Variants in THEMIS observed in about 807,000 individuals in gnomAD.
THEMIS encodes protein THEMIS.
A neutral mutation model predicts 52.6 loss-of-function variants in THEMIS; 37 were observed. That is an observed-to-expected ratio of 0.70 (90% CI 0.54 to 0.93). THEMIS has a LOEUF of 0.93. Among genes scored for constraint, THEMIS ranks in the 40% least tolerant of loss-of-function variants. The probability of loss-of-function intolerance (pLI) is 0.00; values close to 1 mark genes in which losing one functional copy is unlikely to be tolerated. For missense variants in THEMIS, 808 were observed against 763.1 expected (o/e 1.06, Z -0.69); for synonymous variants, 292 against 272.7 (o/e 1.07, Z -0.70).
In THEMIS at chr6:127,755,999, C is replaced by A. The variant is rs570803185; in HGVS notation, c.1759-36176G>T. Among the ~76,000 whole-genome samples the A allele has an allele frequency of 2.6e-5, 4 of 152,012 alleles. 1 individual carries two copies. The highest frequency in any genetic ancestry group is 9.7e-5 in the African/African-American group (4 of 41,450). On this transcript the variant is annotated intron_variant, in intron 4 of 5. Coordinates refer to ENST00000368248, the MANE Select transcript of THEMIS (RefSeq NM_001010923.3). Reference sequence around the variant, plus strand: ...CTGAGATCACACCACCGCACTCCAGCCTGGGCCACAGAGTGAGACTCCATC... The same window carrying A: ...CTGAGATCACACCACCGCACTCCAGACTGGGCCACAGAGTGAGACTCCATC...
At chr6:127,721,916 G>A (rs1335078746) in intron 4 of THEMIS, among the ~76,000 whole-genome samples, 1 of 151,826 alleles carries the variant, frequency 6.6e-6, no homozygotes, top group Non-Finnish European at 1.5e-5. Context: ...AAACATTGAG[G>A]GAAAGTTAAG....
intron 4 of THEMIS, among the ~76,000 whole-genome samples, chr6:127,787,916 G>C (rs1002950827): frequency 6.6e-6 from 1 of 151,938 alleles, no homozygotes; most frequent in East Asian, 1.9e-4. Flanking sequence ...TAGATAGATA[G>C]ATAAATAGAT....
At chr6:127,802,384 G>A (rs1777565927) in intron 4 of THEMIS, among the ~76,000 whole-genome samples, 1 of 152,206 alleles carries the variant, frequency 6.6e-6, no homozygotes, top group Non-Finnish European at 1.5e-5. Context: ...AAATTTAAAT[G>A]TAGTAGGAAT....
chr6:127,714,313 T>C (rs1473006427), intron 5 of THEMIS, among the ~76,000 whole-genome samples: 2 of 152,042 alleles, frequency 1.3e-5, no homozygotes, highest in East Asian at 1.9e-4. Context: ...TCATAGACAA[T>C]GTTTAAATAA....
chr6:127,740,026 A>G (rs774263946), intron 4 of THEMIS, among the ~76,000 whole-genome samples: 11 of 152,118 alleles, frequency 7.2e-5, no homozygotes, highest in African/African-American at 2.4e-4. Flanking sequence ...CTCTGGCTGT[A>G]CCCACGGGCA....
At chr6:127,811,153 C>G (rs984332110) in intron 4 of THEMIS, among the ~76,000 whole-genome samples, 2 of 152,246 alleles carry the variant, frequency 1.3e-5, no homozygotes, top group East Asian at 3.9e-4. Flanking sequence ...AAGTATTCCT[C>G]CTTCTCAACT....
At chr6:127,846,467 T>C (rs979121836) in intron 2 of THEMIS, among the ~76,000 whole-genome samples, 6 of 151,766 alleles carry the variant, frequency 4.0e-5, no homozygotes, top group Admixed American at 2.0e-4. Flanking sequence ...TTACAACCAA[T>C]ACCACATAAA....
Position 127,813,251 on chromosome 6 carries a change from T to C in THEMIS, c.1390A>G (p.Arg464Gly), listed in dbSNP as rs1777988031. The change falls in exon 4 of 6, where the codon AGG (arginine) becomes GGG (glycine). Residue 464 changes from arginine (R) to glycine (G), a missense_variant. Transcript: ENST00000368248. ...RLPFNVKVSV[R>G]DLSIEEDVLA... ...ACGTCCTCTTCAATGGAAAGATCCC[T>C]GACAGACACCTTCACATTGAAGGGC... The C allele has an allele frequency of 6.2e-7, 1 of 1,614,140 alleles. No individual in the cohort carries two copies. Among genetic ancestry groups the C allele is most frequent in the African/African-American group, 1.3e-5 (1 of 75,038 alleles).
At chr6:127,855,702 A>C (rs1452480722) in intron 1 of THEMIS, among the ~76,000 whole-genome samples, 1 of 151,864 alleles carries the variant, frequency 6.6e-6, no homozygotes, top group African/African-American at 2.4e-5. Flanking sequence ...GCCCATTTTT[A>C]TCTCTTGGTT....
At chr6:127,729,607 C>G (rs1236662567) in intron 4 of THEMIS, among the ~76,000 whole-genome samples, 2 of 152,120 alleles carry the variant, frequency 1.3e-5, no homozygotes, top group Non-Finnish European at 2.9e-5. Flanking sequence ...GAATATGACC[C>G]TTTCTCTTCC....
In THEMIS at chr6:127,831,246, G is replaced by A. The variant is rs1020829338; in HGVS notation, c.251-1312C>T. On this transcript the variant is annotated intron_variant, in intron 2 of 5. Coordinates refer to ENST00000368248, the MANE Select transcript of THEMIS (RefSeq NM_001010923.3). ...TTTACTACTTAAGATACAGATTTTT[G>A]TACATTGTATGTCTAAGTGGTTCTG... Among the ~76,000 whole-genome samples, 5 of 151,960 alleles carry A rather than the reference G, an allele frequency of 3.3e-5. No homozygotes were observed. The East Asian group carries it at 5.8e-4, about 18-fold the overall frequency.
chr6:127,840,512 G>T (rs965580614), intron 2 of THEMIS, among the ~76,000 whole-genome samples: 4 of 152,062 alleles, frequency 2.6e-5, no homozygotes, highest in Admixed American at 2.0e-4. Context: ...ATTATAGTGA[G>T]TTTTATTTAC....
chr6:127,793,054 A>C (rs183848861), intron 4 of THEMIS, among the ~76,000 whole-genome samples: 206 of 152,330 alleles, frequency 1.4e-3, no homozygotes, highest in Middle Eastern at 6.8e-3. Flanking sequence ...TAGAGTCACA[A>C]ATGTAACCCC....
At chr6:127,777,964 C>G (rs1776620281) in intron 4 of THEMIS, among the ~76,000 whole-genome samples, 1 of 152,084 alleles carries the variant, frequency 6.6e-6, no homozygotes, top group African/African-American at 2.4e-5. Flanking sequence ...TGTAGGAATG[C>G]TGTTCTACTT....
At chr6:127,903,187 A>C (rs1422924120), upstream of THEMIS, among the ~76,000 whole-genome samples, 1 of 151,844 alleles carries the variant, frequency 6.6e-6, no homozygotes, top group Non-Finnish European at 1.5e-5. Context: ...AGTACCACTC[A>C]CTCTGTCTTT....
intron 4 of THEMIS, among the ~76,000 whole-genome samples, chr6:127,734,163 C>T (rs953267552): frequency 6.6e-6 from 1 of 152,062 alleles, no homozygotes; most frequent in Non-Finnish European, 1.5e-5. Flanking sequence ...TCAACAATTG[C>T]AACATATGCA....
intron 1 of THEMIS, among the ~76,000 whole-genome samples, chr6:127,875,900 A>G (rs1189200388): frequency 2.6e-5 from 4 of 152,208 alleles, no homozygotes; most frequent in African/African-American, 9.6e-5. Context: ...TTGACATGTG[A>G]TTATAGCTAA....
Position 127,781,288 on chromosome 6 carries a change from C to A in THEMIS, c.1758+31595G>T, listed in dbSNP as rs554978338. On this transcript the variant is annotated intron_variant, in intron 4 of 5. Coordinates refer to ENST00000368248, the MANE Select transcript of THEMIS (RefSeq NM_001010923.3). ...CAAGTGGTTATTCTAGTTAGCAATT[C>A]ATCTAACCTTTTTTCAAGGTTCTTA... is the stretch of plus-strand genomic sequence containing the variant. 7.5e-4 allele frequency among the ~76,000 whole-genome samples: 114 copies of A among 152,008 alleles called. 1 individual carries two copies. The highest frequency in any genetic ancestry group is 3.4e-3 in the Middle Eastern group (1 of 294).
intron 4 of THEMIS, among the ~76,000 whole-genome samples, chr6:127,742,780 A>G (rs1212296519): frequency 6.6e-6 from 1 of 152,088 alleles, no homozygotes; most frequent in Non-Finnish European, 1.5e-5. Flanking sequence ...GGGGAGAAAT[A>G]AAAAGTTATT....
Sources: gnomAD v4.1 joint callset for allele counts (sites outside exome capture counted in the v4.1 genomes callset) on GRCh38, gnomAD v4.1.1 for gene constraint, MANE v1.5 for transcripts, NCBI Gene and HGNC (gene_info 2026-07-23, HGNC 2026-07-21) for gene names.